PRKN: variants seen among roughly 807,000 people sequenced by gnomAD.
The protein encoded by PRKN is E3 ubiquitin-protein ligase parkin.
Under a neutral mutation model 59.5 loss-of-function variants are expected in PRKN, and 56 were observed. The ratio of observed to expected loss-of-function variants is 0.94; its 90% confidence interval spans 0.76 to 1.18. The LOEUF (loss-of-function observed/expected upper bound fraction) is 1.18, where lower values mean the gene tolerates loss of function less well. PRKN is among the 50% of genes most tolerant of loss of function. PRKN has a pLI of 0.00. For synonymous variants in PRKN, 250 were observed against 222.1 expected (o/e 1.13, Z -1.12); for missense variants, 657 against 596.4 (o/e 1.10, Z -1.06).
At chr6:162,384,656 A>AAAC (rs1554311153) in intron 2 of PRKN, among the ~76,000 whole-genome samples, 2 of 144,036 alleles carry the variant, frequency 1.4e-5, no homozygotes, top group African/African-American at 5.2e-5. Flanking sequence ...GTAAAAAAAA[A>AAAC]AAAAAACAAA....
rs191355938 is a variant in PRKN, at chr6:161,373,932, G to A, written c.1167+12862C>T. On this transcript the variant is annotated intron_variant, in intron 10 of 11. Coordinates refer to ENST00000366898, the MANE Select transcript of PRKN (RefSeq NM_004562.3). This position sits in a 1 kb window ranked among gnomAD's most constrained non-coding sequence, Gnocchi z 4.8. Reference sequence around the variant, plus strand: ...TTCCCTCTTGCCTGTTGTCGGCTGGGCCACTATGCAGGCGTGGCTGGGGTG... The same window carrying A: ...TTCCCTCTTGCCTGTTGTCGGCTGGACCACTATGCAGGCGTGGCTGGGGTG... Among the ~76,000 whole-genome samples, 12 of 152,282 alleles carry A rather than the reference G, an allele frequency of 7.9e-5. No homozygotes were observed. The highest frequency in any genetic ancestry group is 3.9e-4 in the Admixed American group (6 of 15,296).
chr6:161,431,774 C>T (rs935148733), intron 9 of PRKN, among the ~76,000 whole-genome samples: 9 of 151,754 alleles, frequency 5.9e-5, no homozygotes, highest in African/African-American at 1.5e-4. Context: ...CACCACACCC[C>T]GCTAATTTTT....
At chr6:162,139,242 T>C (rs139347453) in intron 4 of PRKN, among the ~76,000 whole-genome samples, 228 of 151,720 alleles carry the variant, frequency 1.5e-3, no homozygotes, top group African/African-American at 5.2e-3. Flanking sequence ...GCATCAACAA[T>C]GGTGTTTCCT....
chr6:162,067,070 T>C lies in PRKN; in HGVS notation c.535-12896A>G, dbSNP rs185946303. ...TGTCCTTTTCTTCATCCATTTTTTT[T>C]TCTCTCCTGTTTGTAATATACATAG... On this transcript the variant is annotated intron_variant, in intron 4 of 11. Transcript: ENST00000366898. Among the ~76,000 whole-genome samples, 746 of 152,314 alleles carry C rather than the reference T, an allele frequency of 4.9e-3. 7 individuals are homozygous for C. Among genetic ancestry groups the C allele is most frequent in the African/African-American group, 0.017 (697 of 41,572 alleles).
intron 3 of PRKN, among the ~76,000 whole-genome samples, chr6:162,255,742 C>A (rs1779615829): frequency 6.6e-6 from 1 of 152,120 alleles, no homozygotes; most frequent in South Asian, 2.1e-4. Flanking sequence ...AGCCCAGGTA[C>A]CATGAATGCG....
At chr6:162,165,502 C>G (rs1782936267) in intron 4 of PRKN, among the ~76,000 whole-genome samples, 2 of 149,046 alleles carry the variant, frequency 1.3e-5, no homozygotes, top group African/African-American at 5.0e-5. Flanking sequence ...GAACAAAATA[C>G]AAGAAGAGAC....
chr6:162,127,149 T>A (rs1230592450), intron 4 of PRKN, among the ~76,000 whole-genome samples: 2 of 152,260 alleles, frequency 1.3e-5, no homozygotes, highest in Non-Finnish European at 2.9e-5. Context: ...AACTGTCAGA[T>A]AATCTTGGTG....
chr6:162,208,449 C>T (rs1355447514), intron 3 of PRKN, among the ~76,000 whole-genome samples: 3 of 152,158 alleles, frequency 2.0e-5, no homozygotes, highest in Admixed American at 1.3e-4. Flanking sequence ...CGTATCTGCA[C>T]AATAATTTGA....
intron 9 of PRKN, among the ~76,000 whole-genome samples, chr6:161,477,289 G>A (rs13213352): frequency 0.15 from 22,133 of 152,136 alleles, 1,841 homozygotes; most frequent in African/African-American, 0.23. Flanking sequence ...AGGCCCAGGC[G>A]GGCGGATCAC....
In PRKN at chr6:161,550,534, T is replaced by C. The variant is rs1196604477; in HGVS notation, c.934-1531A>G. 6.6e-6 allele frequency among the ~76,000 whole-genome samples: 1 copy of C among 152,100 alleles called. No individual in the cohort carries two copies. Among genetic ancestry groups the C allele is most frequent in the African/African-American group, 2.4e-5 (1 of 41,388 alleles). ...GCACTGGCTTGAACCGGGAAGGTAG[T>C]GCTGGAGGTAGGATGAGTGTTTGAA... On this transcript the variant is annotated intron_variant, in intron 8 of 11. Transcript: ENST00000366898. The surrounding 1 kb of genome is among the most constrained non-coding windows in gnomAD (Gnocchi z 4.0).
chr6:162,395,639 T>C (rs936230012), intron 2 of PRKN, among the ~76,000 whole-genome samples: 3 of 152,166 alleles, frequency 2.0e-5, no homozygotes, highest in African/African-American at 7.2e-5. Context: ...TAACTCATTA[T>C]GCAGCCATAG....
At chr6:162,233,369 A>G (rs1338777320) in intron 3 of PRKN, among the ~76,000 whole-genome samples, 1 of 152,212 alleles carries the variant, frequency 6.6e-6, no homozygotes, top group Non-Finnish European at 1.5e-5. Context: ...ATATCTCGTA[A>G]TTCAGATTGA....
chr6:162,636,322 G>A (rs1454795115), intron 1 of PRKN, among the ~76,000 whole-genome samples: 1 of 151,948 alleles, frequency 6.6e-6, no homozygotes, highest in African/African-American at 2.4e-5. Context: ...AGCACCAAAT[G>A]TTTGGCTAAA....
intron 7 of PRKN, among the ~76,000 whole-genome samples, chr6:161,586,058 C>T (rs1331424714): frequency 6.6e-6 from 1 of 152,180 alleles, no homozygotes; most frequent in African/African-American, 2.4e-5. Context: ...GTCACTCTGT[C>T]ACCCACTGTT....
chr6:162,601,502 T>C (rs962133368), intron 1 of PRKN, among the ~76,000 whole-genome samples: 8 of 152,206 alleles, frequency 5.3e-5, no homozygotes, highest in African/African-American at 1.9e-4. Flanking sequence ...TGGGCAGTCT[T>C]GCACAAGTAC....
At chr6:162,491,258 A>G (rs559567669) in intron 1 of PRKN, among the ~76,000 whole-genome samples, 21 of 149,698 alleles carry the variant, frequency 1.4e-4, no homozygotes, top group African/African-American at 5.2e-4. Context: ...CAACAGAATG[A>G]GACTCTGGCT....
At chr6:162,460,079 G>A (rs1791080898) in intron 1 of PRKN, among the ~76,000 whole-genome samples, 1 of 152,122 alleles carries the variant, frequency 6.6e-6, no homozygotes, top group South Asian at 2.1e-4. Context: ...GTCCCTATCA[G>A]CATTATTATT....
intron 1 of PRKN, among the ~76,000 whole-genome samples, chr6:162,613,303 T>A (rs1452585684): frequency 6.6e-6 from 1 of 152,302 alleles, no homozygotes; most frequent in African/African-American, 2.4e-5. Flanking sequence ...GTAAACCTGT[T>A]TTTTAGGGAA....
Position 161,451,083 on chromosome 6 carries a change from C to A in PRKN, c.1084-64206G>T, listed in dbSNP as rs1201875421. ...AATAGAGAAGCCTTGAGGACTAGAACAGAACCGATGGAAAGAGAACTGGCA... is the reference window on the plus strand; with the variant it reads ...AATAGAGAAGCCTTGAGGACTAGAAAAGAACCGATGGAAAGAGAACTGGCA... On this transcript the variant is annotated intron_variant, in intron 9 of 11. Transcript: ENST00000366898. This position sits in a 1 kb window ranked among gnomAD's most constrained non-coding sequence, Gnocchi z 5.9. Among the ~76,000 whole-genome samples the A allele has an allele frequency of 1.3e-5, 2 of 152,086 alleles. No individual in the cohort carries two copies. Among genetic ancestry groups the A allele is most frequent in the Non-Finnish European group, 1.5e-5 (1 of 68,028 alleles).
Sources: allele counts gnomAD v4.1 joint callset (sites outside exome capture counted in the v4.1 genomes callset), GRCh38; gene constraint gnomAD v4.1.1; non-coding constraint Gnocchi (gnomAD v3.1); transcripts MANE v1.5; gene names NCBI Gene and HGNC (gene_info 2026-07-23, HGNC 2026-07-21).